The following NPM1 variants were observed in gnomAD, a reference collection of about 807,000 sequenced individuals.
NPM1 encodes the protein nucleophosmin 1.
In NPM1, 1 loss-of-function variant was observed where a neutral mutation model predicts 44.1. That is an observed-to-expected ratio of 0.02 (90% CI 0.01 to 0.11). The LOEUF (loss-of-function observed/expected upper bound fraction) is 0.11. Ranked by LOEUF, NPM1 falls within the 10% of genes least tolerant of loss-of-function variation. NPM1 has a pLI of 1.00. For synonymous variants in NPM1, 126 were observed against 111.8 expected, an observed-to-expected ratio of 1.13 and a Z score of -0.80; for missense variants, 197 against 347.8, an observed-to-expected ratio of 0.57 and a Z score of 3.45.
chr5:171,404,949 T>A (rs75629711), intron 8 of NPM1, among the ~76,000 whole-genome samples: 1 of 152,052 alleles, frequency 6.6e-6, no homozygotes, highest in African/African-American at 2.4e-5. Context: ...TTTTTTTTTT[T>A]ATTTAAAGAG....
rs1455230769 is a variant in NPM1, at chr5:171,404,213, C to T, written c.670-1089C>T. On this transcript the variant is annotated intron_variant, in intron 8 of 10. Transcript: ENST00000296930. ...CCCCCCACCTCCCTCCCAGATAGGG[C>T]GGCTGGCCGGGCGGGGGGTTGACCC... Among the ~76,000 whole-genome samples, 5 of 104,298 alleles carry T rather than the reference C, an allele frequency of 4.8e-5. 2 individuals carry two copies. The highest frequency in any genetic ancestry group is 8.0e-5 in the Non-Finnish European group (4 of 50,010). 68.4% of individuals were successfully genotyped at this position (104,298 alleles called of 152,430 possible).
intron 9 of NPM1, chr5:171,406,402 T>C: frequency 6.2e-7 from 1 of 1,613,172 alleles, no homozygotes; most frequent in Non-Finnish European, 8.5e-7. Flanking sequence ...TGCAGGCGCA[T>C]TGAACAGTCC....
At chr5:171,400,256 T>G in intron 7 of NPM1, 46 bp downstream of exon 7, 1 of 1,610,638 alleles carries the variant, frequency 6.2e-7, no homozygotes, top group South Asian at 1.1e-5. Context: ...ACAATAGAAA[T>G]GGTGATTTTT....
chr5:171,404,111 G>A (rs1223626074), intron 8 of NPM1, among the ~76,000 whole-genome samples: 2 of 74,308 alleles, frequency 2.7e-5, no homozygotes, highest in African/African-American at 1.2e-4. Flanking sequence ...CCTCCCGGAC[G>A]GCACGGCTGG....
chr5:171,402,229 A>G (rs1448881050), intron 8 of NPM1, among the ~76,000 whole-genome samples: 1 of 150,766 alleles, frequency 6.6e-6, no homozygotes, highest in South Asian at 2.1e-4. Context: ...CAAAAGACAT[A>G]CAAGTGGCCA....
intron 8 of NPM1, among the ~76,000 whole-genome samples, chr5:171,402,798 TCTG>T (rs948987076): frequency 2.4e-5 from 3 of 127,174 alleles, no homozygotes; most frequent in African/African-American, 5.8e-5. Context: ...CTCTCTCTCT[TCTG>T]CTGCCATGTA....
At chr5:171,391,133 G>A in intron 2 of NPM1, 172 bp from the exon 3 acceptor site, 3 of 704,732 alleles carry the variant, frequency 4.3e-6, no homozygotes, top group Non-Finnish European at 7.0e-6. Flanking sequence ...ATACCATCTA[G>A]GTTTGTATAA....
chr5:171,409,956 C>T (rs774011128), intron 10 of NPM1, among the ~76,000 whole-genome samples: 2 of 152,118 alleles, frequency 1.3e-5, no homozygotes, highest in Non-Finnish European at 2.9e-5. Flanking sequence ...CACCACCAAG[C>T]CTGGCTAATT....
intron 9 of NPM1, chr5:171,407,344 A>T (rs1323550986): frequency 4.3e-6 from 1 of 233,494 alleles, no homozygotes; most frequent in African/African-American, 2.3e-5. Context: ...CTCCAAAGGG[A>T]TGTTATGGGT....
chr5:171,405,710 G>A lies in NPM1; in HGVS notation c.771+307G>A. Reference sequence around the variant, plus strand: ...CAGTGAAAACCCTTTGCCTATTCTGGTTGTAAGATATGCTAGAGAACCAAC... The same window carrying A: ...CAGTGAAAACCCTTTGCCTATTCTGATTGTAAGATATGCTAGAGAACCAAC... On this transcript the variant is annotated intron_variant, in intron 9 of 10. Transcript: ENST00000296930. 4 of 308,052 alleles carry A rather than the reference G, an allele frequency of 1.3e-5. No individual in the cohort carries two copies. In the South Asian group the frequency reaches 1.4e-4, roughly 11 times the overall value. 19.1% of individuals were successfully genotyped at this position (308,052 alleles called of 1,614,324 possible). A position where few individuals can be genotyped will look rare whatever the true frequency, so the allele number is the denominator to read the frequency against.
intron 8 of NPM1, among the ~76,000 whole-genome samples, chr5:171,402,972 TATTTATTTATTTA>T (rs1771302254): frequency 4.7e-5 from 5 of 105,940 alleles, no homozygotes; most frequent in South Asian, 3.5e-4. Flanking sequence ...TTTTTCATTT[TATTTATTTATTTA>T]TTTATTTTTT....
intron 1 of NPM1, among the ~76,000 whole-genome samples, chr5:171,388,566 G>C (rs1231070949): frequency 6.6e-6 from 1 of 150,390 alleles, no homozygotes; most frequent in Non-Finnish European, 1.5e-5. Context: ...GGCCGCAACC[G>C]CTGGGAGCAC....
intron 1 of NPM1, among the ~76,000 whole-genome samples, chr5:171,388,618 C>T (rs1025649115): frequency 1.3e-5 from 2 of 152,096 alleles, no homozygotes; most frequent in Non-Finnish European, 2.9e-5. Flanking sequence ...GGTGTGGGCG[C>T]TACATCCGGG....
chr5:171,397,188 A>G (rs1770950022), intron 6 of NPM1, among the ~76,000 whole-genome samples: 2 of 152,156 alleles, frequency 1.3e-5, no homozygotes, highest in African/African-American at 4.8e-5. Context: ...TTTTCTTAGC[A>G]CAGTGTTTTC....
chr5:171,392,197 T>C (rs1251195219), intron 4 of NPM1, among the ~76,000 whole-genome samples: 1 of 152,194 alleles, frequency 6.6e-6, no homozygotes, highest in Non-Finnish European at 1.5e-5. Context: ...CGCCCTGGCC[T>C]CTCAAAGTGC....
At position 171,404,077 on chromosome 5, in the gene NPM1, G is replaced by A. The variant is rs1232311034; in HGVS notation, c.670-1225G>A. ...CCTCCCGGACGGGGCGGCTGGCCGG[G>A]CGGGGGGCTGACCCCCCCACCTCCC... On this transcript the variant is annotated intron_variant, in intron 8 of 10. Coordinates refer to ENST00000296930, the MANE Select transcript of NPM1 (RefSeq NM_002520.7). 2.1e-4 allele frequency among the ~76,000 whole-genome samples: 14 copies of A among 67,866 alleles called. 2 individuals are homozygous for A. The highest frequency in any genetic ancestry group is 6.1e-4 in the Admixed American group (5 of 8,232). 44.5% of individuals were successfully genotyped at this position (67,866 alleles called of 152,430 possible).
At chr5:171,388,824 G>A (rs1479712509) in intron 1 of NPM1, among the ~76,000 whole-genome samples, 1 of 152,210 alleles carries the variant, frequency 6.6e-6, no homozygotes, top group Non-Finnish European at 1.5e-5. Flanking sequence ...CCACTTTGCA[G>A]ATGAGGATAC....
In NPM1 at chr5:171,391,482, G is replaced by A. The variant is rs1770576176; in HGVS notation, c.258+58G>A. 3.8e-6 allele frequency: 6 copies of A among 1,590,106 alleles called. No individual in the cohort carries two copies. The South Asian group carries it at 5.6e-5, about 15-fold the overall frequency. ...CAAGGTTTAATTCTGTTTTAAGGTAGGTTTGGTGTCATTTAGTTGTGCCAA... is the reference window on the plus strand; with the variant it reads ...CAAGGTTTAATTCTGTTTTAAGGTAAGTTTGGTGTCATTTAGTTGTGCCAA... On this transcript the variant is annotated intron_variant, in intron 3 of 10. Transcript: ENST00000296930.
At chr5:171,403,805 G>GC (rs1306388372) in intron 8 of NPM1, among the ~76,000 whole-genome samples, 1 of 104,652 alleles carries the variant, frequency 9.6e-6, no homozygotes, top group Non-Finnish European at 2.1e-5. Flanking sequence ...TCCCAGTAGG[G>GC]GCGGCCGGGC....
Sources: gnomAD v4.1 joint callset for allele counts (sites outside exome capture counted in the v4.1 genomes callset) on GRCh38, gnomAD v4.1.1 for gene constraint, MANE v1.5 for transcripts, NCBI Gene and HGNC (gene_info 2026-07-23, HGNC 2026-07-21) for gene names.